The following ASTN2 variants were observed in gnomAD, a reference collection of about 807,000 sequenced individuals.
ASTN2 encodes the protein astrotactin-2.
A neutral mutation model predicts 139.8 loss-of-function variants in ASTN2; 54 were observed. The observed-to-expected ratio is 0.39, with a 90% CI of 0.31 to 0.48. ASTN2 has a LOEUF of 0.48. Among genes scored for constraint, ASTN2 ranks in the 20% least tolerant of loss-of-function variants. ASTN2 has a pLI of 0.95. For synonymous variants in ASTN2, 756 were observed against 719.5 expected, an observed-to-expected ratio of 1.05 and a Z score of -0.81; for missense variants, 1,565 against 1,725.1, an observed-to-expected ratio of 0.91 and a Z score of 1.64.
At chr9:116,713,118 G>T (rs554298283) in intron 16 of ASTN2, among the ~76,000 whole-genome samples, 1 of 152,090 alleles carries the variant, frequency 6.6e-6, no homozygotes, top group Non-Finnish European at 1.5e-5. Flanking sequence ...ATTAACTAAT[G>T]GTTCTCTTTG....
rs1847273720 is a variant in ASTN2 at position 116,425,330 on chromosome 9, CA to C, written c.*520del. 1.9e-6 allele frequency: 1 copy of C among 526,492 alleles called. No individual in the cohort carries two copies. Among genetic ancestry groups the C allele is most frequent in the African/African-American group, 2.0e-5 (1 of 50,670 alleles). 32.6% of individuals were successfully genotyped at this position (526,492 alleles called of 1,614,324 possible). On this transcript the variant is annotated 3_prime_UTR_variant, in exon 23 of 23. Transcript: ENST00000313400. ...AGGGTCCCACAAACTCAATAATGTC[CA>C]GCAAAAAAGAGAGAGAAGTCCTTAA...
intron 6 of ASTN2, among the ~76,000 whole-genome samples, chr9:117,015,328 T>C (rs1464087900): frequency 6.6e-6 from 1 of 152,198 alleles, no homozygotes; most frequent in Non-Finnish European, 1.5e-5. Context: ...CACCTCTGAC[T>C]TCTTTGACAG....
chr9:116,536,149 G>A (rs910328047), intron 19 of ASTN2, among the ~76,000 whole-genome samples: 7 of 151,568 alleles, frequency 4.6e-5, no homozygotes, highest in Non-Finnish European at 1.0e-4. Flanking sequence ...TGATCAAATC[G>A]GCTACTGAAG....
At chr9:116,446,822 A>G (rs1848013717) in intron 20 of ASTN2, among the ~76,000 whole-genome samples, 1 of 152,228 alleles carries the variant, frequency 6.6e-6, no homozygotes, top group Admixed American at 6.5e-5. Flanking sequence ...CTACAGTAAT[A>G]CAGGCTTAGT....
At chr9:117,386,954 A>G (rs1830415431) in intron 1 of ASTN2, among the ~76,000 whole-genome samples, 2 of 152,208 alleles carry the variant, frequency 1.3e-5, no homozygotes, top group Non-Finnish European at 2.9e-5. Flanking sequence ...GCAGAACAGC[A>G]GTGGGTTAGG....
intron 19 of ASTN2, among the ~76,000 whole-genome samples, chr9:116,588,207 GGGAAAAA>G (rs1854237198): frequency 6.6e-6 from 1 of 152,112 alleles, no homozygotes; most frequent in Non-Finnish European, 1.5e-5. Context: ...CTAACCCAAA[GGGAAAAA>G]TTCAGCTCTG....
intron 11 of ASTN2, among the ~76,000 whole-genome samples, chr9:116,845,383 G>A (rs1363631855): frequency 1.3e-5 from 2 of 152,112 alleles, no homozygotes; most frequent in African/African-American, 4.8e-5. Context: ...CCTCCCAAAC[G>A]TACCATTCCT....
chr9:116,906,961 A>G (rs1834177648), intron 10 of ASTN2, among the ~76,000 whole-genome samples: 1 of 152,200 alleles, frequency 6.6e-6, no homozygotes, highest in Non-Finnish European at 1.5e-5. Context: ...GTATTTGTCC[A>G]TTAATTATCT....
At chr9:116,539,382 AG>A (rs140267314) in intron 19 of ASTN2, among the ~76,000 whole-genome samples, 27,164 of 150,942 alleles carry the variant, frequency 0.18, 2,801 homozygotes, top group African/African-American at 0.28. Flanking sequence ...TCTATGAGGG[AG>A]GGAAAAAAAA....
chr9:116,859,123 C>G (rs1002537488), intron 11 of ASTN2, among the ~76,000 whole-genome samples: 2 of 152,312 alleles, frequency 1.3e-5, no homozygotes, highest in South Asian at 2.1e-4. Context: ...CTCTCTACCC[C>G]ACTCCTCTGC....
chr9:117,091,652 T>C (rs556569911), intron 5 of ASTN2, among the ~76,000 whole-genome samples: 1 of 151,596 alleles, frequency 6.6e-6, no homozygotes, highest in South Asian at 2.1e-4. Flanking sequence ...GCAGGACAGA[T>C]GCAGGAGTGC....
At chr9:116,624,285 G>C (rs189923062) in intron 17 of ASTN2, among the ~76,000 whole-genome samples, 1 of 152,274 alleles carries the variant, frequency 6.6e-6, no homozygotes, top group South Asian at 2.1e-4. Flanking sequence ...TGAGGGGGTA[G>C]AAGATATGTT....
intron 3 of ASTN2, among the ~76,000 whole-genome samples, chr9:117,207,800 G>C (rs62564686): frequency 2.0e-4 from 31 of 152,196 alleles, no homozygotes; most frequent in Non-Finnish European, 4.3e-4. Flanking sequence ...CCTGTTCTGA[G>C]AAATAGCCCA....
chr9:116,640,513 G>C (rs1217540204), intron 17 of ASTN2, among the ~76,000 whole-genome samples: 2 of 152,124 alleles, frequency 1.3e-5, no homozygotes. Context: ...GAAAGAAGGG[G>C]AAAAATACAT....
At chr9:117,159,016 C>T (rs560551396) in intron 3 of ASTN2, among the ~76,000 whole-genome samples, 10 of 151,992 alleles carry the variant, frequency 6.6e-5, no homozygotes, top group African/African-American at 9.7e-5. Context: ...TCCTCATTCA[C>T]TTCCAAGCTA....
At chr9:116,714,594 TG>T (rs778574373) in intron 16 of ASTN2, among the ~76,000 whole-genome samples, 1 of 152,160 alleles carries the variant, frequency 6.6e-6, no homozygotes, top group African/African-American at 2.4e-5. Flanking sequence ...ATAAGAGAAT[TG>T]AGTCCCAGGA....
At chr9:116,736,265 T>C (rs749293956) in intron 13 of ASTN2, among the ~76,000 whole-genome samples, 4 of 152,224 alleles carry the variant, frequency 2.6e-5, no homozygotes, top group Non-Finnish European at 5.9e-5. Context: ...TATTATGTAC[T>C]AAAAAATGAC....
In ASTN2 at chr9:116,805,836, G is replaced by A. The variant is rs1564277489; in HGVS notation, c.2208-16C>T. On this transcript the variant is annotated splice_polypyrimidine_tract_variant and intron_variant, in intron 12 of 22. Transcript: ENST00000313400. ...CTCCACGCAACTGTATGATAAAACAGAGCTCAGAATTAGCTTCACATCCTG... is the reference window on the plus strand; with the variant it reads ...CTCCACGCAACTGTATGATAAAACAAAGCTCAGAATTAGCTTCACATCCTG... The A allele has an allele frequency of 1.2e-6, 2 of 1,611,030 alleles. No homozygotes were observed. Among genetic ancestry groups the A allele is most frequent in the Non-Finnish European group, 1.7e-6 (2 of 1,178,214 alleles).
At chr9:116,567,491 T>C (rs949526673) in intron 19 of ASTN2, among the ~76,000 whole-genome samples, 1 of 152,138 alleles carries the variant, frequency 6.6e-6, no homozygotes, top group African/African-American at 2.4e-5. Context: ...AGCTTCTCCC[T>C]GGGTTCAGGG....
Sources: allele counts gnomAD v4.1 joint callset (sites outside exome capture counted in the v4.1 genomes callset), GRCh38; gene constraint gnomAD v4.1.1; transcripts MANE v1.5; gene names NCBI Gene and HGNC (gene_info 2026-07-23, HGNC 2026-07-21).